Variants in SDK1 observed in about 807,000 individuals in gnomAD.
SDK1 encodes the protein sidekick cell adhesion molecule 1, also known as protein sidekick-1.
Under a neutral mutation model 245.5 loss-of-function variants are expected in SDK1, and 157 were observed. That is an observed-to-expected ratio of 0.64 (90% CI 0.56 to 0.73). SDK1 has a LOEUF of 0.73. Among genes scored for constraint, SDK1 ranks in the 30% least tolerant of loss-of-function variants. The pLI is 0.00. For missense variants in SDK1, 3,583 were observed against 3,002.3 expected, an observed-to-expected ratio of 1.19 and a Z score of -4.52; for synonymous variants, 1,647 against 1,278.5, an observed-to-expected ratio of 1.29 and a Z score of -6.15.
chr7:3,837,913 T>G (rs1376425875), intron 5 of SDK1, among the ~76,000 whole-genome samples: 1 of 152,198 alleles, frequency 6.6e-6, no homozygotes, highest in Non-Finnish European at 1.5e-5. Flanking sequence ...TCATTGAGCT[T>G]TATTCGCTCC....
chr7:3,940,464 C>T (rs1562552475), intron 5 of SDK1, among the ~76,000 whole-genome samples: 1 of 152,182 alleles, frequency 6.6e-6, no homozygotes, highest in Non-Finnish European at 1.5e-5. Flanking sequence ...ACAATAGCTT[C>T]CCGTTTTATG....
At chr7:3,591,626 T>A (rs1482458393) in intron 1 of SDK1, among the ~76,000 whole-genome samples, 4 of 152,260 alleles carry the variant, frequency 2.6e-5, no homozygotes, top group African/African-American at 4.8e-5. Flanking sequence ...CTTGGTAGAT[T>A]TGCAGTGGGT....
At chr7:3,701,591 C>A (rs763944646) in intron 4 of SDK1, among the ~76,000 whole-genome samples, 1 of 151,386 alleles carries the variant, frequency 6.6e-6, no homozygotes, top group African/African-American at 2.4e-5. Flanking sequence ...AGAGCGAGAC[C>A]CTGTCTCAAA....
chr7:4,182,229 G>T (rs661850), intron 35 of SDK1, among the ~76,000 whole-genome samples: 2 of 151,958 alleles, frequency 1.3e-5, no homozygotes, highest in East Asian at 3.9e-4. Flanking sequence ...CACTGCCCCA[G>T]GACACCCTCT....
At chr7:4,083,531 T>TCCCC (rs1781199179) in intron 22 of SDK1, among the ~76,000 whole-genome samples, 2 of 84,086 alleles carry the variant, frequency 2.4e-5, no homozygotes, top group Non-Finnish European at 4.5e-5. Flanking sequence ...CACTCCTCCC[T>TCCCC]CCCTCCCTCC....
intron 17 of SDK1, among the ~76,000 whole-genome samples, chr7:4,036,019 G>A (rs1393348048): frequency 1.3e-5 from 2 of 152,148 alleles, no homozygotes; most frequent in African/African-American, 4.8e-5. Flanking sequence ...TTTTTAGTAA[G>A]AAACTTGAGC....
At position 4,139,835 on chromosome 7, in the gene SDK1, C is replaced by T. The variant is rs115307450; in HGVS notation, c.4229-5887C>T. 5.2e-3 allele frequency among the ~76,000 whole-genome samples: 787 copies of T among 152,166 alleles called. 7 individuals carry two copies. Among genetic ancestry groups the T allele is most frequent in the African/African-American group, 0.018 (742 of 41,522 alleles). ...GAGCTTTAGCACCGCATCAGAGGGC[C>T]TCGCCCTGCGCTGTCTGGGCTGTCT... On this transcript the variant is annotated intron_variant, in intron 28 of 44. Coordinates refer to ENST00000404826, the MANE Select transcript of SDK1 (RefSeq NM_152744.4).
intron 4 of SDK1, among the ~76,000 whole-genome samples, chr7:3,667,701 T>C (rs1783576990): frequency 6.6e-6 from 1 of 152,234 alleles, no homozygotes; most frequent in African/African-American, 2.4e-5. Flanking sequence ...TCCTAAAGTA[T>C]TTAGCCTTTG....
At chr7:3,455,011 A>G (rs1261810331) in intron 1 of SDK1, among the ~76,000 whole-genome samples, 1 of 151,818 alleles carries the variant, frequency 6.6e-6, no homozygotes, top group Non-Finnish European at 1.5e-5. Flanking sequence ...TTATTTTTTT[A>G]TTTTAGATAT....
At chr7:3,856,369 A>G (rs1780545678) in intron 5 of SDK1, among the ~76,000 whole-genome samples, 2 of 152,094 alleles carry the variant, frequency 1.3e-5, no homozygotes, top group South Asian at 4.1e-4. Context: ...AAATAAGTGC[A>G]TAAAATATCA....
At chr7:3,929,986 A>G (rs1457405666) in intron 5 of SDK1, among the ~76,000 whole-genome samples, 1 of 151,886 alleles carries the variant, frequency 6.6e-6, no homozygotes, top group African/African-American at 2.4e-5. Context: ...TTTTTTATTT[A>G]TTTATTTTCT....
chr7:3,972,743 C>T (rs1334352021), intron 12 of SDK1, among the ~76,000 whole-genome samples: 1 of 152,208 alleles, frequency 6.6e-6, no homozygotes, highest in Non-Finnish European at 1.5e-5. Flanking sequence ...GGAGACTCGG[C>T]TGTTCTCTCG....
intron 18 of SDK1, 103 bp downstream of exon 18, chr7:4,049,566 A>C: frequency 1.2e-6 from 1 of 845,830 alleles, no homozygotes; most frequent in Non-Finnish European, 2.0e-6. Flanking sequence ...AGCTGGTTGC[A>C]TTAAGATACA....
At chr7:4,218,768 G>A (rs185410332) in intron 38 of SDK1, among the ~76,000 whole-genome samples, 1 of 152,288 alleles carries the variant, frequency 6.6e-6, no homozygotes, top group African/African-American at 2.4e-5. Context: ...CTTGGAAAAT[G>A]AGCTCTGCCA....
At chr7:4,029,854 C>T (rs537521562) in intron 17 of SDK1, among the ~76,000 whole-genome samples, 4 of 152,234 alleles carry the variant, frequency 2.6e-5, no homozygotes, top group African/African-American at 9.6e-5. Context: ...AAATAAATTG[C>T]TTTGTTAGAT....
chr7:3,803,288 T>G (rs1779151845), intron 4 of SDK1, among the ~76,000 whole-genome samples: 1 of 150,122 alleles, frequency 6.7e-6, no homozygotes, highest in African/African-American at 2.4e-5. Flanking sequence ...CATTTTCTTT[T>G]CTTTTCTTTT....
intron 4 of SDK1, among the ~76,000 whole-genome samples, chr7:3,681,589 A>G (rs1784102677): frequency 6.6e-6 from 1 of 152,230 alleles, no homozygotes; most frequent in Non-Finnish European, 1.5e-5. Flanking sequence ...ATGTCTTTTG[A>G]CATATCATAC....
chr7:3,744,014 C>G (rs115437210), intron 4 of SDK1, among the ~76,000 whole-genome samples: 1,565 of 152,244 alleles, frequency 0.01, 24 homozygotes, highest in African/African-American at 0.036. Flanking sequence ...GATTCTGTGA[C>G]TTGCATCCAA....
intron 4 of SDK1, among the ~76,000 whole-genome samples, chr7:3,676,209 G>A (rs971150629): frequency 1.3e-5 from 2 of 151,798 alleles, no homozygotes; most frequent in African/African-American, 2.4e-5. Context: ...TGTGGAGACG[G>A]GGTCTCACTA....
Sources: gnomAD v4.1 joint callset for allele counts (sites outside exome capture counted in the v4.1 genomes callset) on GRCh38, gnomAD v4.1.1 for gene constraint, MANE v1.5 for transcripts, NCBI Gene and HGNC (gene_info 2026-07-23, HGNC 2026-07-21) for gene names.